The following FRMD4A variants were observed in gnomAD, a reference collection of about 807,000 sequenced individuals.
The protein encoded by FRMD4A is FERM domain containing 4A.
FRMD4A carries 29 observed loss-of-function variants against 129.1 expected under a neutral mutation model. That is an observed-to-expected ratio of 0.22 (90% CI 0.17 to 0.31). FRMD4A has a LOEUF of 0.31. FRMD4A is among the 10% of genes least tolerant of loss of function. The pLI, the probability that FRMD4A is intolerant of heterozygous loss-of-function variation, is 1.00. For synonymous variants in FRMD4A, 634 were observed against 571.6 expected (o/e 1.11, Z -1.56); for missense variants, 1,272 against 1,375.8 (o/e 0.92, Z 1.19).
intron 2 of FRMD4A, among the ~76,000 whole-genome samples, chr10:14,061,815 A>G (rs1483220143): frequency 6.6e-6 from 1 of 152,214 alleles, no homozygotes; most frequent in Non-Finnish European, 1.5e-5. Context: ...GCCCAAGCCA[A>G]TACGTTGAAG....
At chr10:13,982,167 C>A (rs1240940184) in intron 2 of FRMD4A, among the ~76,000 whole-genome samples, 1 of 152,018 alleles carries the variant, frequency 6.6e-6, no homozygotes, top group African/African-American at 2.4e-5. Context: ...CCTTTTACAT[C>A]TTTCTATGTT....
In FRMD4A at chr10:13,656,468, G is replaced by T. The variant is rs138361311; in HGVS notation, c.2953+168C>A. 2.6e-3 allele frequency among the ~76,000 whole-genome samples: 391 copies of T among 152,292 alleles called. 4 individuals are homozygous for T. Among genetic ancestry groups the T allele is most frequent in the Middle Eastern group, 0.01 (3 of 294 alleles). ...ACGGGGCGGGGTCAACAAAGGCCTG[G>T]AAGACCTCAAGTCTCCCGCATCTAA... On this transcript the variant is annotated intron_variant, in intron 22 of 24. Transcript: ENST00000357447.
chr10:14,215,427 A>T (rs2131962521), intron 2 of FRMD4A, among the ~76,000 whole-genome samples: 2 of 152,318 alleles, frequency 1.3e-5, no homozygotes, highest in Middle Eastern at 6.8e-3. Flanking sequence ...AAATATAATT[A>T]TTAGGACTAT....
Position 13,656,709 on chromosome 10 carries a change from G to A in FRMD4A, c.2880C>T (p.Ser960=), listed in dbSNP as rs1358974839. Residue 960 remains serine (S), a synonymous_variant, in exon 22 of 25, where the codon AGC becomes AGT. Coordinates refer to ENST00000357447, the MANE Select transcript of FRMD4A (RefSeq NM_018027.5). ...STSSDSGSQY[S]TSSQSTFVAH... ...CCACGAAGGTGCTCTGGGAGGAGGT[G>A]CTGTACTGCGAGCCGCTGTCCGAGG... 2 of 1,584,654 alleles carry A rather than the reference G, an allele frequency of 1.3e-6. No homozygotes were observed. Among genetic ancestry groups the A allele is most frequent in the Non-Finnish European group, 8.6e-7 (1 of 1,166,820 alleles).
intron 2 of FRMD4A, among the ~76,000 whole-genome samples, chr10:14,159,910 C>T (rs557706060): frequency 1.4e-4 from 21 of 152,060 alleles, no homozygotes; most frequent in Middle Eastern, 6.8e-3. Flanking sequence ...ATTAGCCAGG[C>T]GTGGTGGTGG....
At chr10:13,707,631 T>A (rs769875175) in intron 12 of FRMD4A, 482 of 988,388 alleles carry the variant, frequency 4.9e-4, no homozygotes, top group Non-Finnish European at 5.6e-4. Flanking sequence ...CCATCGGGAC[T>A]CCACTTCCTG....
chr10:14,140,479 C>T (rs1035859823), intron 2 of FRMD4A, among the ~76,000 whole-genome samples: 4 of 152,156 alleles, frequency 2.6e-5, no homozygotes, highest in Non-Finnish European at 5.9e-5. Context: ...TGTTATTTTC[C>T]CTCATATCAT....
chr10:13,718,794 G>A (rs2089129038), intron 12 of FRMD4A, among the ~76,000 whole-genome samples: 1 of 152,166 alleles, frequency 6.6e-6, no homozygotes, highest in Non-Finnish European at 1.5e-5. Context: ...CCTGGTCTGG[G>A]CCAGTTCTCC....
chr10:14,262,269 C>T (rs1589240389), intron 2 of FRMD4A, among the ~76,000 whole-genome samples: 1 of 152,200 alleles, frequency 6.6e-6, no homozygotes, highest in Non-Finnish European at 1.5e-5. Context: ...TATCTCTTCT[C>T]TTGGCCCCTG....
At chr10:14,275,943 G>A (rs774550175) in intron 2 of FRMD4A, among the ~76,000 whole-genome samples, 1 of 152,210 alleles carries the variant, frequency 6.6e-6, no homozygotes, top group Non-Finnish European at 1.5e-5. Context: ...GGAGGCTGAG[G>A]TGGGAGGATC....
intron 2 of FRMD4A, among the ~76,000 whole-genome samples, chr10:13,873,142 C>T (rs1327140228): frequency 6.7e-6 from 1 of 149,204 alleles, no homozygotes; most frequent in Non-Finnish European, 1.5e-5. Flanking sequence ...CACCACTGCA[C>T]TCCAGCATGG....
At chr10:14,209,013 C>CT (rs1013929641) in intron 2 of FRMD4A, among the ~76,000 whole-genome samples, 1 of 152,128 alleles carries the variant, frequency 6.6e-6, no homozygotes, top group Non-Finnish European at 1.5e-5. Flanking sequence ...AGGTCAGGCA[C>CT]TGTATACCTT....
chr10:13,990,840 C>T (rs2095600723), intron 2 of FRMD4A, among the ~76,000 whole-genome samples: 1 of 152,188 alleles, frequency 6.6e-6, no homozygotes, highest in Non-Finnish European at 1.5e-5. Context: ...GTCTCTCAGC[C>T]CTTGTTCCCA....
chr10:14,271,387 T>C (rs1042929870), intron 2 of FRMD4A, among the ~76,000 whole-genome samples: 3 of 152,220 alleles, frequency 2.0e-5, no homozygotes, highest in Non-Finnish European at 4.4e-5. Flanking sequence ...CAGCCCTAGA[T>C]AGGATGCTAT....
At chr10:13,674,781 A>G in intron 16 of FRMD4A, 130 bp downstream of exon 16, 2 of 1,024,962 alleles carry the variant, frequency 2.0e-6, no homozygotes, top group South Asian at 2.9e-5. Flanking sequence ...TTTTATCACT[A>G]CCCTTGCCTT....
At chr10:14,247,225 C>T (rs995484736) in intron 2 of FRMD4A, among the ~76,000 whole-genome samples, 4 of 152,056 alleles carry the variant, frequency 2.6e-5, no homozygotes, top group African/African-American at 4.8e-5. Context: ...AGAGTCACCC[C>T]GCTTCCATCC....
intron 2 of FRMD4A, among the ~76,000 whole-genome samples, chr10:14,183,650 A>G (rs940489033): frequency 1.3e-5 from 2 of 152,146 alleles, no homozygotes; most frequent in African/African-American, 4.8e-5. Context: ...ATTGATGGGC[A>G]TCTTTTACTC....
At chr10:14,135,163 G>A (rs919352319) in intron 2 of FRMD4A, among the ~76,000 whole-genome samples, 2 of 152,218 alleles carry the variant, frequency 1.3e-5, no homozygotes, top group South Asian at 2.1e-4. Flanking sequence ...TTTTCAGAGT[G>A]TTAAAGCAAA....
chr10:13,849,645 A>G (rs993543832), intron 3 of FRMD4A, among the ~76,000 whole-genome samples: 1 of 151,144 alleles, frequency 6.6e-6, no homozygotes, highest in African/African-American at 2.4e-5. Context: ...ATGCCCGGCT[A>G]ATTTTGTATT....
Sources: gnomAD v4.1 joint callset for allele counts (sites outside exome capture counted in the v4.1 genomes callset) on GRCh38, gnomAD v4.1.1 for gene constraint, MANE v1.5 for transcripts, NCBI Gene and HGNC (gene_info 2026-07-23, HGNC 2026-07-21) for gene names.